ARHGEF19: variants seen among roughly 807,000 people sequenced by gnomAD.
ARHGEF19 encodes Rho guanine nucleotide exchange factor (GEF) 19.
In ARHGEF19, 92 loss-of-function variants were observed where a neutral mutation model predicts 87.6. The observed-to-expected ratio is 1.05, with a 90% CI of 0.89 to 1.25. The LOEUF is 1.25. Among genes scored for constraint, ARHGEF19 ranks in the 50% most tolerant of loss-of-function variants. The pLI, the probability that ARHGEF19 is intolerant of heterozygous loss-of-function variation, is 0.00. For missense variants in ARHGEF19, 1,054 were observed against 1,051.8 expected (o/e 1.00, Z -0.03); for synonymous variants, 438 against 446.2 (o/e 0.98, Z 0.23).
chr1:16,201,464 G>A (rs970169437), intron 14 of ARHGEF19, among the ~76,000 whole-genome samples: 65 of 152,116 alleles, frequency 4.3e-4, no homozygotes, highest in African/African-American at 1.6e-3. Flanking sequence ...CTCTGGTCTC[G>A]GCTCTGCTAC....
chr1:16,207,949 C>G lies in ARHGEF19; in HGVS notation c.689G>C (p.Arg230Pro), dbSNP rs766571423. ...CCCATGGGAGGAGCTGGTACCTTCC[C>G]GGGCTGCTCCGGTGCCTGACCCAGA... is the stretch of plus-strand genomic sequence containing the variant. ...LISGSGTGAA[R>P]EGKASGMEAR... Residue 230 changes from arginine to proline, a missense_variant, in exon 3 of 16, where the codon CGG becomes CCG. Transcript: ENST00000270747. The surrounding 1 kb of genome is among the most constrained non-coding windows in gnomAD (Gnocchi z 4.0). 1.2e-6 allele frequency: 2 copies of G among 1,608,638 alleles called. No individual in the cohort carries two copies. The highest frequency in any genetic ancestry group is 1.1e-5 in the South Asian group (1 of 90,806).
In ARHGEF19 at chr1:16,198,736, C is replaced by T. The variant is rs2081060293; in HGVS notation, c.2260G>A (p.Glu754Lys). The T allele has an allele frequency of 1.2e-6, 2 of 1,604,882 alleles. No individual in the cohort carries two copies. The highest frequency in any genetic ancestry group is 1.3e-5 in the African/African-American group (1 of 74,744). ...TCACCATCTGCCAGGCGGACCCCTTCCAGCCAGCCTAGGGACACATAGGCC... is the reference window on the plus strand; with the variant it reads ...TCACCATCTGCCAGGCGGACCCCTTTCAGCCAGCCTAGGGACACATAGGCC... Reference protein sequence around the residue: ...VRTWTSDGWLEGVRLADGEKG... With the variant: ...VRTWTSDGWLKGVRLADGEKG... The change falls in exon 16 of 16, where the codon GAA (glutamate) becomes AAA (lysine). Residue 754 changes from glutamate (E) to lysine (K), a missense_variant. Glu to Lys is a moderately conservative substitution (Grantham distance 56). Coordinates refer to ENST00000270747, the MANE Select transcript of ARHGEF19 (RefSeq NM_153213.5). The surrounding 1 kb of genome is among the most constrained non-coding windows in gnomAD (Gnocchi z 4.1).
chr1:16,207,348 A>G lies in ARHGEF19; in HGVS notation c.875-138T>C, dbSNP rs1569714250. The G allele has an allele frequency of 7.5e-7, 1 of 1,336,552 alleles. No homozygotes were observed. The highest frequency in any genetic ancestry group is 1.0e-6 in the Non-Finnish European group (1 of 999,950). 82.8% of individuals were successfully genotyped at this position (1,336,552 alleles called of 1,614,324 possible). On this transcript the variant is annotated intron_variant, in intron 5 of 15. Coordinates refer to ENST00000270747, the MANE Select transcript of ARHGEF19 (RefSeq NM_153213.5). This position sits in a 1 kb window ranked among gnomAD's most constrained non-coding sequence, Gnocchi z 4.0. The stretch of plus-strand genomic sequence containing the variant: ...CTGGACACAGTGAATTCATTCATTC[A>G]TTCATTCATTCCATAAACAAATTGA...
rs1183470423 is a variant in ARHGEF19 at position 16,207,205 on chromosome 1, GGACGGCTGGGGGAAA to G, written c.875-10_879del. ...GCCACGTCGCTGTATTCCTGATAGA[GGACGGCTGGGGGAAA>G]GACGGGCGGGGGAGAGCGTGGGGCG... On this transcript the variant is annotated splice_acceptor_variant and splice_polypyrimidine_tract_variant and coding_sequence_variant and intron_variant, in exon 6 of 16. Transcript: ENST00000270747. LOFTEE classifies it high-confidence loss of function. The surrounding 1 kb of genome is among the most constrained non-coding windows in gnomAD (Gnocchi z 4.0). 13 of 1,519,562 alleles carry G rather than the reference GGACGGCTGGGGGAAA, an allele frequency of 8.6e-6. No homozygotes were observed. Among genetic ancestry groups the G allele is most frequent in the Non-Finnish European group, 1.1e-5 (12 of 1,138,810 alleles). 94.1% of individuals were successfully genotyped at this position (1,519,562 alleles called of 1,614,324 possible). A position where few individuals can be genotyped will look rare whatever the true frequency, so the allele number is the denominator to read the frequency against.
chr1:16,211,108 C>T (rs1215205217), intron 1 of ARHGEF19, among the ~76,000 whole-genome samples: 2 of 152,292 alleles, frequency 1.3e-5, no homozygotes, highest in Non-Finnish European at 2.9e-5. Flanking sequence ...AGCGAGTCTC[C>T]CTAAGCCTCG....
Position 16,207,286 on chromosome 1 carries a change from A to G in ARHGEF19, c.875-76T>C. ...CCGGCTTTTCCTCGGTTCCCTCAAG[A>G]GCCCGCGTCACTTAACCTTTGCCGC... On this transcript the variant is annotated intron_variant, in intron 5 of 15. Transcript: ENST00000270747. The surrounding 1 kb of genome is among the most constrained non-coding windows in gnomAD (Gnocchi z 4.0). 1.4e-6 allele frequency: 2 copies of G among 1,448,798 alleles called. No individual in the cohort carries two copies. Among genetic ancestry groups the G allele is most frequent in the Non-Finnish European group, 1.8e-6 (2 of 1,105,278 alleles). The allele number at this position is 1,448,798 out of a possible 1,614,324, so 89.7% of individuals were successfully genotyped here.
rs1475255239 is a variant in ARHGEF19 at position 16,202,520 on chromosome 1, C to A, written c.1962G>T (p.Arg654=). Residue 654 remains arginine, a synonymous_variant, in exon 13 of 16, where the codon CGG becomes CGT. Coordinates refer to ENST00000270747, the MANE Select transcript of ARHGEF19 (RefSeq NM_153213.5). ...TGCCCTGCAGCTTCAGGCTCAGGTC[C>A]CGCACCTGCAGCTCAGCCATCTTGG... ...VHAKMAELQV[R]DLSLKLQGIP... The A allele has an allele frequency of 1.2e-6, 2 of 1,614,218 alleles. No individual in the cohort carries two copies. The highest frequency in any genetic ancestry group is 1.7e-5 in the Admixed American group (1 of 60,032).
chr1:16,208,585 G>A, intron 2 of ARHGEF19, 58 bp downstream of exon 2: 1 of 1,522,762 alleles, frequency 6.6e-7, no homozygotes, highest in Non-Finnish European at 8.8e-7. Flanking sequence ...GAGCTGCCCA[G>A]CCCCTCCCCT....
At chr1:16,202,345 C>A (rs1557538485) in intron 13 of ARHGEF19, 71 bp downstream of exon 13, 10 of 822,788 alleles carry the variant, frequency 1.2e-5, no homozygotes, top group Non-Finnish European at 1.6e-5. Context: ...GGACGGGGTG[C>A]CCATCATGGG....
Position 16,207,579 on chromosome 1 carries a change from G to T in ARHGEF19, c.817C>A (p.Pro273Thr), listed in dbSNP as rs143178874. The T allele has an allele frequency of 9.5e-4, 1,539 of 1,613,862 alleles. 13 individuals are homozygous for T. The African/African-American group carries it at 0.018, about 19-fold the overall frequency. ...SEPRLDTQEE[P>T]PLGSRSTNER... ...TTGGTGCTCCTGGACCCCAAAGGCG[G>T]CTCTTCCTGTGTGTCTAGCCTAGGA... The change falls in exon 5 of 16, where the codon CCG (proline) becomes ACG (threonine). Residue 273 changes from proline (P) to threonine (T), a missense_variant. Transcript: ENST00000270747. This position sits in a 1 kb window ranked among gnomAD's most constrained non-coding sequence, Gnocchi z 4.0.
intron 15 of ARHGEF19, 43 bp downstream of exon 15, chr1:16,199,106 CA>C: frequency 2.5e-6 from 4 of 1,593,564 alleles, no homozygotes; most frequent in Non-Finnish European, 3.4e-6. Context: ...ACCTCCTGCC[CA>C]CCCAAGCCCC....
rs1569715003 is a variant in ARHGEF19 at position 16,207,591 on chromosome 1, T to C, written c.805A>G (p.Thr269Ala). 1.2e-6 allele frequency: 2 copies of C among 1,613,932 alleles called. No homozygotes were observed. Among genetic ancestry groups the C allele is most frequent in the African/African-American group, 2.7e-5 (2 of 75,028 alleles). Residue 269 changes from threonine (T) to alanine (A), a missense_variant, in exon 5 of 16, where the codon ACA (threonine) becomes GCA (alanine). Thr to Ala is a moderately conservative substitution (Grantham distance 58). Transcript: ENST00000270747. The surrounding 1 kb of genome is among the most constrained non-coding windows in gnomAD (Gnocchi z 4.0). ...EGDWSEPRLD[T>A]QEEPPLGSRS... The stretch of plus-strand genomic sequence containing the variant: ...GACCCCAAAGGCGGCTCTTCCTGTG[T>C]GTCTAGCCTAGGAAAGAGAGAGCGT...
rs2081140046 is a variant in ARHGEF19, at chr1:16,206,749, C to T, written c.1137+199G>A. On this transcript the variant is annotated intron_variant, in intron 6 of 15. Coordinates refer to ENST00000270747, the MANE Select transcript of ARHGEF19 (RefSeq NM_153213.5). The surrounding 1 kb of genome is among the most constrained non-coding windows in gnomAD (Gnocchi z 4.6). ...CGCACCCAAGCCCGGCTCCCCTCGC[C>T]TCTCGCTCAGCGGCTTGCTGTCCTC... Among the ~76,000 whole-genome samples the T allele has an allele frequency of 1.3e-5, 2 of 152,100 alleles. No individual in the cohort carries two copies. Among genetic ancestry groups the T allele is most frequent in the Non-Finnish European group, 2.9e-5 (2 of 67,994 alleles).
In ARHGEF19 at chr1:16,202,484, G is replaced by C; in HGVS notation, c.1998C>G (p.His666Gln). 1 of 1,614,208 alleles carries C rather than the reference G, an allele frequency of 6.2e-7. No individual in the cohort carries two copies. Among genetic ancestry groups the C allele is most frequent in the Non-Finnish European group, 8.5e-7 (1 of 1,180,036 alleles). The change falls in exon 13 of 16, where the codon CAC (histidine) becomes CAG (glutamine). Residue 666 changes from histidine (H) to glutamine (Q), a missense_variant. Physicochemically the swap from His to Gln is conservative, Grantham distance 24. Coordinates refer to ENST00000270747, the MANE Select transcript of ARHGEF19 (RefSeq NM_153213.5). ...CGTGGAGGAGCTGGAGGAGGAACACGTGGCCGGGGATGCCCTGCAGCTTCA... is the reference window on the plus strand; with the variant it reads ...CGTGGAGGAGCTGGAGGAGGAACACCTGGCCGGGGATGCCCTGCAGCTTCA... Reference protein sequence around the residue: ...LSLKLQGIPGHVFLLQLLHGQ... With the variant: ...LSLKLQGIPGQVFLLQLLHGQ...
Position 16,201,782 on chromosome 1 carries a change from C to G in ARHGEF19, c.2146G>C (p.Asp716His), listed in dbSNP as rs146123988. The change falls in exon 14 of 16, where the codon GAT becomes CAT. Residue 716 changes from aspartate (D) to histidine (H), a missense_variant and splice_region_variant. Asp to His is a moderately conservative substitution (Grantham distance 81). Coordinates refer to ENST00000270747, the MANE Select transcript of ARHGEF19 (RefSeq NM_153213.5). ...EDKEVISEGE[D>H]CPQVQCVRTY... ...GTAAGCAGCAGGGATGAGCTACTACCTTCCCCCTCACTGATGACCTCCTTG... is the reference window on the plus strand; with the variant it reads ...GTAAGCAGCAGGGATGAGCTACTACGTTCCCCCTCACTGATGACCTCCTTG... The G allele has an allele frequency of 2.5e-6, 4 of 1,613,562 alleles. No homozygotes were observed. In the South Asian group the frequency reaches 4.4e-5, roughly 18 times the overall value.
Position 16,205,565 on chromosome 1 carries a change from C to A in ARHGEF19, c.1554G>T (p.Arg518Ser). 1 of 1,613,982 alleles carries A rather than the reference C, an allele frequency of 6.2e-7. No homozygotes were observed. The highest frequency in any genetic ancestry group is 8.5e-7 in the Non-Finnish European group (1 of 1,179,962). The change falls in exon 9 of 16, where the codon AGG (arginine) becomes AGT (serine). Residue 518 changes from arginine to serine, a missense_variant. Arg to Ser is a moderately radical substitution (Grantham distance 110). Transcript: ENST00000270747. The surrounding 1 kb of genome is among the most constrained non-coding windows in gnomAD (Gnocchi z 5.8). The stretch of plus-strand genomic sequence containing the variant: ...CCACCAACATCTTGAGGCGGGTGAT[C>A]CTCTGGAAGGGCAGGATAAGGAAGG... ...LTSFLILPFQ[R>S]ITRLKMLVEN...
Position 16,206,420 on chromosome 1 carries a change from G to C in ARHGEF19, c.1138-80C>G. 2 of 1,485,642 alleles carry C rather than the reference G, an allele frequency of 1.3e-6. No individual in the cohort carries two copies. The highest frequency in any genetic ancestry group is 2.4e-5 in the South Asian group (2 of 82,118). 92.0% of individuals were successfully genotyped at this position (1,485,642 alleles called of 1,614,324 possible). A position where few individuals can be genotyped will look rare whatever the true frequency, so the allele number is the denominator to read the frequency against. ...CCTGGCCTCACATCCCCAGACCCCA[G>C]GACGCCACACCTCGCGTCCTCGCCC... On this transcript the variant is annotated intron_variant, in intron 6 of 15. Coordinates refer to ENST00000270747, the MANE Select transcript of ARHGEF19 (RefSeq NM_153213.5). This position sits in a 1 kb window ranked among gnomAD's most constrained non-coding sequence, Gnocchi z 4.6.
rs1032921560 is a variant in ARHGEF19 at position 16,198,523 on chromosome 1, C to T, written c.*64G>A. On this transcript the variant is annotated 3_prime_UTR_variant, in exon 16 of 16. Coordinates refer to ENST00000270747, the MANE Select transcript of ARHGEF19 (RefSeq NM_153213.5). This position sits in a 1 kb window ranked among gnomAD's most constrained non-coding sequence, Gnocchi z 4.1. ...AGCAGCTTGGGGAATGGAGACACTG[C>T]AGGCCCCTCCAGGACCATCCAGGAG... The T allele has an allele frequency of 1.5e-5, 22 of 1,496,736 alleles. No homozygotes were observed. In the East Asian group the frequency reaches 4.2e-4, roughly 28 times the overall value. The allele number at this position is 1,496,736 out of a possible 1,614,324, so 92.7% of individuals were successfully genotyped here.
intron 2 of ARHGEF19, 72 bp from the exon 3 acceptor site, chr1:16,208,297 G>A: frequency 6.6e-7 from 1 of 1,517,926 alleles, no homozygotes; most frequent in South Asian, 1.2e-5. Context: ...GCTGCCCCTG[G>A]CCCTGAGCAC....
Sources: gnomAD v4.1 joint callset for allele counts (sites outside exome capture counted in the v4.1 genomes callset) on GRCh38, gnomAD v4.1.1 for gene constraint, Gnocchi (gnomAD v3.1) non-coding constraint, MANE v1.5 for transcripts, NCBI Gene and HGNC (gene_info 2026-07-23, HGNC 2026-07-21) for gene names.